FGF13: variants seen among roughly 807,000 people sequenced by gnomAD.
FGF13 encodes the protein fibroblast growth factor homologous factor 2.
In FGF13, 2 loss-of-function variants were observed where a neutral mutation model predicts 19.5. The ratio of observed to expected loss-of-function variants is 0.10; its 90% CI spans 0.04 to 0.32. FGF13 has a LOEUF of 0.32. Ranked by LOEUF, FGF13 falls within the 10% of genes least tolerant of loss-of-function variation. The pLI, the probability that FGF13 is intolerant of heterozygous loss-of-function variation, is 1.00. For missense variants in FGF13, 113 were observed against 192.7 expected, an observed-to-expected ratio of 0.59 and a Z score of 2.45; for synonymous variants, 72 against 76.9, an observed-to-expected ratio of 0.94 and a Z score of 0.33.
At chrX:138,644,882 T>C (rs1337588971) in intron 3 of FGF13, among the ~76,000 whole-genome samples, 1 of 112,015 alleles carries the variant, frequency 8.9e-6, no homozygotes, top group Non-Finnish European at 1.9e-5. Context: ...CAGAGGACTA[T>C]TAAACTGCTG....
At chrX:138,871,915 AC>A (rs1338203598) in intron 1 of FGF13, among the ~76,000 whole-genome samples, 1 of 111,841 alleles carries the variant, frequency 8.9e-6, no homozygotes, top group Non-Finnish European at 1.9e-5. Flanking sequence ...GCGGGCAGCC[AC>A]TGGATAGTGT....
intron 3 of FGF13, among the ~76,000 whole-genome samples, chrX:138,771,622 T>C (rs572393236): frequency 9.0e-6 from 1 of 110,748 alleles, no homozygotes; most frequent in African/African-American, 3.3e-5. Context: ...GAAAAAGGTA[T>C]ATTTGGGGTA....
At chrX:139,131,921 A>G (rs1199605411) in intron 1 of FGF13, among the ~76,000 whole-genome samples, 2 of 111,087 alleles carry the variant, frequency 1.8e-5, no homozygotes, top group Admixed American at 1.9e-4. Context: ...GTTTTATATA[A>G]TTTTGCAGGA....
intron 1 of FGF13, among the ~76,000 whole-genome samples, chrX:138,730,599 TA>T (rs1366653938): frequency 4.5e-5 from 5 of 110,406 alleles, no homozygotes; most frequent in Admixed American, 9.6e-5. Context: ...CTGCCAAAAA[TA>T]ATAAAAATAA....
chrX:139,066,949 C>T (rs1434055712), intron 1 of FGF13, among the ~76,000 whole-genome samples: 4 of 111,706 alleles, frequency 3.6e-5, no homozygotes, highest in Non-Finnish European at 7.5e-5. Context: ...AAGTCGGCTT[C>T]ATCCCTCGGA....
chrX:139,186,757 C>T (rs2084286448), intron 1 of FGF13, among the ~76,000 whole-genome samples: 1 of 111,805 alleles, frequency 8.9e-6, no homozygotes, highest in Non-Finnish European at 1.9e-5. Flanking sequence ...TCCCTTCCTT[C>T]CTGCCATTCT....
At chrX:139,100,167 G>T (rs2083501410) in intron 1 of FGF13, among the ~76,000 whole-genome samples, 1 of 110,778 alleles carries the variant, frequency 9.0e-6, no homozygotes, top group African/African-American at 3.3e-5. Flanking sequence ...TATGGCATCA[G>T]AAAGATTAGG....
rs2091265936 is a variant in FGF13, at chrX:138,857,613, G to A, written c.29C>T (p.Ala10Val). The change falls in exon 3 of 3, where the codon GCG becomes GTG. Residue 10 changes from alanine (A) to valine (V), a missense_variant. Ala to Val is a moderately conservative substitution (Grantham distance 64). Coordinates refer to the FGF13 transcript ENST00000421460. ...GGGGGACTCTTTTTTCTTTAATTCCGCAGATTGGATGGAATCTTGTCGTAA... is the reference window on the plus strand; with the variant it reads ...GGGGGACTCTTTTTTCTTTAATTCCACAGATTGGATGGAATCTTGTCGTAA... The A allele has an allele frequency of 1.7e-6, 2 of 1,207,796 alleles. No individual in the cohort carries two copies.
At chrX:138,963,924 C>T (rs1406266276) in intron 1 of FGF13, among the ~76,000 whole-genome samples, 1 of 111,979 alleles carries the variant, frequency 8.9e-6, no homozygotes, top group Non-Finnish European at 1.9e-5. Context: ...GACAGTAATA[C>T]TGCACTCATA....
At chrX:139,054,021 A>G (rs1488722000) in intron 1 of FGF13, among the ~76,000 whole-genome samples, 1 of 107,504 alleles carries the variant, frequency 9.3e-6, no homozygotes, top group Non-Finnish European at 1.9e-5. Context: ...TGTCCTTTCC[A>G]CACCTTATGT....
At position 138,755,973 on chromosome X, in the gene FGF13, T is replaced by G. The variant is rs542161723; in HGVS notation, c.218-47045A>C. Among the ~76,000 whole-genome samples the G allele has an allele frequency of 6.3e-5, 7 of 111,669 alleles. No individual in the cohort carries two copies. The South Asian group carries it at 1.9e-3, about 30-fold the overall frequency. On this transcript the variant is annotated intron_variant, in intron 3 of 6. Coordinates refer to the FGF13 transcript ENST00000436198. Reference sequence around the variant, plus strand: ...TACTTCAATCTGATTGGTGTCCTTATAAGAAGAAGATATTAGGACATACAA... The same window carrying G: ...TACTTCAATCTGATTGGTGTCCTTAGAAGAAGAAGATATTAGGACATACAA...
At chrX:138,697,283 C>G (rs977872135) in intron 3 of FGF13, among the ~76,000 whole-genome samples, 2 of 110,988 alleles carry the variant, frequency 1.8e-5, no homozygotes, top group Non-Finnish European at 3.8e-5. Context: ...AAGAACAACT[C>G]TATGTAATGA....
At chrX:138,840,916 G>A (rs181206310) in intron 3 of FGF13, among the ~76,000 whole-genome samples, 48 of 111,050 alleles carry the variant, frequency 4.3e-4, no homozygotes, top group African/African-American at 1.5e-3. Context: ...AAAGCATTAG[G>A]TCCCTGAAGT....
intron 1 of FGF13, among the ~76,000 whole-genome samples, chrX:138,933,281 T>C (rs1047876967): frequency 8.9e-6 from 1 of 111,851 alleles, no homozygotes; most frequent in African/African-American, 3.3e-5. Context: ...GCATACTAAT[T>C]TTTTAAGAAA....
At chrX:138,681,404 T>C (rs1347614966) in intron 3 of FGF13, among the ~76,000 whole-genome samples, 1 of 100,674 alleles carries the variant, frequency 9.9e-6, no homozygotes, top group Non-Finnish European at 2.0e-5. Flanking sequence ...CTTCACAGAA[T>C]TGAAGAGAGT....
At chrX:138,797,538 C>T (rs7057018) in intron 3 of FGF13, among the ~76,000 whole-genome samples, 194 of 111,030 alleles carry the variant, frequency 1.7e-3, no homozygotes, top group African/African-American at 5.7e-3. Flanking sequence ...CTTGACTATA[C>T]GGGTTCTTTT....
At chrX:138,818,507 C>CAG (rs2090977126) in intron 3 of FGF13, among the ~76,000 whole-genome samples, 1 of 78,158 alleles carries the variant, frequency 1.3e-5, no homozygotes. Flanking sequence ...CAGACACACA[C>CAG]ACACACACAC....
intron 1 of FGF13, among the ~76,000 whole-genome samples, chrX:139,075,235 C>T (rs2092388240): frequency 9.0e-6 from 1 of 111,655 alleles, no homozygotes; most frequent in South Asian, 3.8e-4. Context: ...TCTATCTTCC[C>T]ATTCTGCTTT....
intron 3 of FGF13, among the ~76,000 whole-genome samples, chrX:138,804,438 C>T (rs1001600688): frequency 2.7e-5 from 3 of 111,862 alleles, no homozygotes; most frequent in African/African-American, 9.8e-5. Context: ...CACCAGTTTC[C>T]CAGGGTATGT....
Sources: allele counts gnomAD v4.1 joint callset (sites outside exome capture counted in the v4.1 genomes callset), GRCh38; gene constraint gnomAD v4.1.1; transcripts MANE v1.5; gene names NCBI Gene and HGNC (gene_info 2026-07-23, HGNC 2026-07-21).